RBFOX1: variants seen among roughly 807,000 people sequenced by gnomAD.
RBFOX1 encodes the protein RNA binding fox-1 homolog 1.
In RBFOX1, 8 loss-of-function variants were observed where a neutral mutation model predicts 57.7. The observed-to-expected ratio is 0.14, with a 90% CI of 0.08 to 0.25. The LOEUF is 0.25. RBFOX1 is among the 10% of genes least tolerant of loss of function. The pLI, the probability that RBFOX1 is intolerant of heterozygous loss-of-function variation, is 1.00. For missense variants in RBFOX1, 611 were observed against 548.5 expected (o/e 1.11, Z -1.14); for synonymous variants, 326 against 222.4 (o/e 1.47, Z -4.15).
At position 7,713,136 on chromosome 16, in the gene RBFOX1, T is replaced by C. The variant is rs904030602; in HGVS notation, c.*2391T>C. The C allele has an allele frequency of 6.6e-5, 10 of 152,196 alleles. No individual in the cohort carries two copies. Among genetic ancestry groups the C allele is most frequent in the Admixed American group, 6.5e-5 (1 of 15,284 alleles). 9.4% of individuals were successfully genotyped at this position (152,196 alleles called of 1,614,324 possible). ...TTTGGAATGTTTTCATTTATCTAAA[T>C]AACTATTGCTATTATGAATTATGGA... On this transcript the variant is annotated 3_prime_UTR_variant, in exon 16 of 16. Transcript: ENST00000550418.
At chr16:7,552,345 G>A (rs770465113) in intron 5 of RBFOX1, among the ~76,000 whole-genome samples, 16 of 152,056 alleles carry the variant, frequency 1.1e-4, no homozygotes, top group African/African-American at 1.4e-4. Flanking sequence ...AGTGAGAGGC[G>A]ACAGGATACT....
intron 3 of RBFOX1, among the ~76,000 whole-genome samples, chr16:6,844,713 T>G (rs1017194957): frequency 5.3e-5 from 8 of 152,194 alleles, no homozygotes; most frequent in Admixed American, 2.0e-4. Context: ...GTAATTGGAT[T>G]GTTGGGTCAA....
intron 3 of RBFOX1, among the ~76,000 whole-genome samples, chr16:6,755,380 T>C (rs2075624318): frequency 6.6e-6 from 1 of 152,206 alleles, no homozygotes; most frequent in Non-Finnish European, 1.5e-5. Context: ...TCCTGACTTT[T>C]TAATGATTGC....
intron 3 of RBFOX1, among the ~76,000 whole-genome samples, chr16:5,706,388 C>T (rs28686776): frequency 0.062 from 9,504 of 152,234 alleles, 978 homozygotes; most frequent in African/African-American, 0.21. Context: ...CCCGAATCAC[C>T]AAGCACTGCC....
chr16:7,224,697 C>A (rs908102534), intron 4 of RBFOX1, among the ~76,000 whole-genome samples: 1 of 152,128 alleles, frequency 6.6e-6, no homozygotes, highest in Non-Finnish European at 1.5e-5. Context: ...TTGGGGAGAG[C>A]AATGAATATT....
chr16:7,330,063 A>C (rs1381369676), intron 4 of RBFOX1, among the ~76,000 whole-genome samples: 1 of 152,138 alleles, frequency 6.6e-6, no homozygotes, highest in Non-Finnish European at 1.5e-5. Flanking sequence ...ATTATAATAT[A>C]ATCTGATGTG....
intron 3 of RBFOX1, among the ~76,000 whole-genome samples, chr16:6,817,351 C>CGT (rs1428557809): frequency 6.6e-6 from 1 of 151,946 alleles, no homozygotes; most frequent in Non-Finnish European, 1.5e-5. Context: ...CTGTTAGCTG[C>CGT]GTGTGTCACC....
chr16:6,384,593 G>C (rs1225315117), intron 2 of RBFOX1, among the ~76,000 whole-genome samples: 2 of 152,118 alleles, frequency 1.3e-5, no homozygotes, highest in East Asian at 3.8e-4. Flanking sequence ...GGGTAAACAG[G>C]GCTTTGGAGG....
chr16:5,581,853 C>G (rs1182092635), intron 2 of RBFOX1, among the ~76,000 whole-genome samples: 1 of 151,996 alleles, frequency 6.6e-6, no homozygotes, highest in African/African-American at 2.4e-5. Context: ...TATCTAGGGA[C>G]AAAGAGAGGC....
intron 3 of RBFOX1, among the ~76,000 whole-genome samples, chr16:6,845,012 C>G (rs1432647679): frequency 6.6e-6 from 1 of 152,060 alleles, no homozygotes; most frequent in East Asian, 1.9e-4. Flanking sequence ...ATGTCCTTTG[C>G]CCACTTTTTC....
At chr16:5,449,445 T>G (rs2068354337) in intron 1 of RBFOX1, among the ~76,000 whole-genome samples, 1 of 152,200 alleles carries the variant, frequency 6.6e-6, no homozygotes, top group Non-Finnish European at 1.5e-5. Context: ...ATTCTTTGAT[T>G]GCCATTGCCT....
At chr16:6,822,324 ATG>A (rs1256127866) in intron 3 of RBFOX1, among the ~76,000 whole-genome samples, 1 of 152,146 alleles carries the variant, frequency 6.6e-6, no homozygotes, top group Admixed American at 6.5e-5. Flanking sequence ...ACATTCTTCA[ATG>A]CCTGTTGACT....
intron 4 of RBFOX1, among the ~76,000 whole-genome samples, chr16:7,489,275 A>T (rs1039781211): frequency 5.3e-5 from 8 of 152,152 alleles, no homozygotes; most frequent in Non-Finnish European, 1.2e-4. Flanking sequence ...TGTAAAAGCA[A>T]GTTTTTGGTT....
At chr16:7,709,496 C>A in intron 15 of RBFOX1, 1 of 1,499,358 alleles carries the variant, frequency 6.7e-7, no homozygotes, top group Non-Finnish European at 8.8e-7. Flanking sequence ...TCACATAGCC[C>A]CAAGGTTCCA....
At chr16:7,236,628 A>T (rs968798338) in intron 4 of RBFOX1, among the ~76,000 whole-genome samples, 4 of 152,204 alleles carry the variant, frequency 2.6e-5, no homozygotes, top group African/African-American at 9.7e-5. Flanking sequence ...TCAACTTCCC[A>T]AATCATGAAG....
At chr16:6,895,448 G>GTGTATATATATATATA (rs869028735) in intron 3 of RBFOX1, among the ~76,000 whole-genome samples, 1 of 54,610 alleles carries the variant, frequency 1.8e-5, no homozygotes, top group Non-Finnish European at 3.3e-5. Context: ...GTGTGTGTGT[G>GTGTATATATATATATA]TATATATATA....
At chr16:5,639,504 A>C (rs567431327) in intron 3 of RBFOX1, among the ~76,000 whole-genome samples, 5 of 152,338 alleles carry the variant, frequency 3.3e-5, no homozygotes, top group African/African-American at 1.2e-4. Context: ...ATGTTCCTAC[A>C]TAACACTAGT....
chr16:5,841,335 A>G (rs1051859562), intron 3 of RBFOX1, among the ~76,000 whole-genome samples: 1 of 152,176 alleles, frequency 6.6e-6, no homozygotes, highest in African/African-American at 2.4e-5. Context: ...TCTTATCACC[A>G]TGCAGCTGCA....
chr16:7,622,004 A>C (rs967042402), intron 10 of RBFOX1, among the ~76,000 whole-genome samples: 33 of 152,322 alleles, frequency 2.2e-4, no homozygotes, highest in African/African-American at 7.7e-4. Flanking sequence ...TCACTAGTCA[A>C]ATGTTACTGT....
Sources: allele counts gnomAD v4.1 joint callset (sites outside exome capture counted in the v4.1 genomes callset), GRCh38; gene constraint gnomAD v4.1.1; transcripts MANE v1.5; gene names NCBI Gene and HGNC (gene_info 2026-07-23, HGNC 2026-07-21).